The following TRPM7 variants were observed in gnomAD, a reference collection of about 807,000 sequenced individuals.
TRPM7 encodes the protein LTRPC ion channel family member 7.
TRPM7 carries 134 observed loss-of-function variants against 229.7 expected under a neutral mutation model. The observed-to-expected ratio is 0.58, with a 90% CI of 0.51 to 0.67. The LOEUF is 0.67. TRPM7 is among the 30% of genes least tolerant of loss of function. The pLI is 0.00. For synonymous variants in TRPM7, 699 were observed against 715.2 expected (o/e 0.98, Z 0.36); for missense variants, 1,901 against 2,210.0 (o/e 0.86, Z 2.80).
At chr15:50,614,047 T>A in intron 14 of TRPM7, 76 bp downstream of exon 14, 3 of 1,421,854 alleles carry the variant, frequency 2.1e-6, no homozygotes, top group Non-Finnish European at 2.9e-6. Flanking sequence ...TCCGTTCTAA[T>A]GTTAATTCTT....
intron 3 of TRPM7, among the ~76,000 whole-genome samples, chr15:50,650,037 C>CA (rs1486597343): frequency 2.6e-5 from 4 of 151,122 alleles, no homozygotes; most frequent in Admixed American, 1.3e-4. Flanking sequence ...ACTAAAAATA[C>CA]AAAAAATTAG....
Position 50,599,379 on chromosome 15 carries a change from A to G in TRPM7, c.2989-83T>C, listed in dbSNP as rs1266357823. ...TTCTAAAAGCTTCTAATGTTCTAATAGACCAAAAAAATCCATTAAACACAA... is the reference window on the plus strand; with the variant it reads ...TTCTAAAAGCTTCTAATGTTCTAATGGACCAAAAAAATCCATTAAACACAA... On this transcript the variant is annotated intron_variant, in intron 21 of 38. Transcript: ENST00000646667. The G allele has an allele frequency of 3.0e-6, 3 of 1,000,532 alleles. No homozygotes were observed. The South Asian group carries it at 7.5e-5, about 25-fold the overall frequency. 62.0% of individuals were successfully genotyped at this position (1,000,532 alleles called of 1,614,324 possible).
chr15:50,669,391 T>C (rs1028794026), intron 1 of TRPM7, among the ~76,000 whole-genome samples: 2 of 151,882 alleles, frequency 1.3e-5, no homozygotes, highest in Middle Eastern at 6.3e-3. Context: ...GCCGAGGTCA[T>C]GCCAGTGCAC....
chr15:50,669,659 C>T (rs567290055), intron 1 of TRPM7, among the ~76,000 whole-genome samples: 2 of 152,210 alleles, frequency 1.3e-5, no homozygotes, highest in South Asian at 4.1e-4. Flanking sequence ...AATTGTGTTT[C>T]AAGAACTATG....
Position 50,575,807 on chromosome 15 carries a change from A to T in TRPM7, c.4670-18T>A. ...TTCCACAGCTGCATAAAAATGAGAG[A>T]GAAATAATTAAATCTGTAAAGGTCC... On this transcript the variant is annotated intron_variant, in intron 32 of 38. Transcript: ENST00000646667. The T allele has an allele frequency of 6.2e-7, 1 of 1,613,284 alleles. No homozygotes were observed. Among genetic ancestry groups the T allele is most frequent in the Non-Finnish European group, 8.5e-7 (1 of 1,179,596 alleles).
At chr15:50,599,414 G>A in intron 21 of TRPM7, 118 bp from the exon 22 acceptor site, 1 of 638,366 alleles carries the variant, frequency 1.6e-6, no homozygotes, top group Non-Finnish European at 2.5e-6. Context: ...AAAAATCTTT[G>A]AGATTCTTTT....
At chr15:50,587,381 G>A (rs2059370655) in intron 27 of TRPM7, among the ~76,000 whole-genome samples, 1 of 143,372 alleles carries the variant, frequency 7.0e-6, no homozygotes, top group Admixed American at 7.0e-5. Context: ...AGCCCTGAAG[G>A]CTTTACTGGC....
intron 27 of TRPM7, among the ~76,000 whole-genome samples, chr15:50,587,987 T>G (rs974335293): frequency 6.6e-6 from 1 of 152,206 alleles, no homozygotes; most frequent in Non-Finnish European, 1.5e-5. Flanking sequence ...TTTTATCGTG[T>G]GTCAGCTAAG....
chr15:50,572,019 C>CA (rs2053915123), intron 36 of TRPM7, among the ~76,000 whole-genome samples: 1 of 152,176 alleles, frequency 6.6e-6, no homozygotes, highest in Non-Finnish European at 1.5e-5. Context: ...TCACTGTGGC[C>CA]AGAGAGTGGC....
At position 50,686,570 on chromosome 15, in the gene TRPM7, C is replaced by G. The variant is rs764180922; in HGVS notation, c.-37G>C. ...GGCGGACTCCGGAAGGGCAGCAACT[C>G]CACCTCCTCCTCCTCCGCGGCCTGT... On this transcript the variant is annotated 5_prime_UTR_variant, in exon 1 of 39. Transcript: ENST00000646667. The G allele has an allele frequency of 3.2e-5, 52 of 1,608,632 alleles. No individual in the cohort carries two copies. Among genetic ancestry groups the G allele is most frequent in the Admixed American group, 5.0e-5 (3 of 59,608 alleles).
At chr15:50,682,106 A>C (rs1459157998) in intron 1 of TRPM7, among the ~76,000 whole-genome samples, 1 of 141,576 alleles carries the variant, frequency 7.1e-6, no homozygotes, top group Non-Finnish European at 1.5e-5. Flanking sequence ...TTAAACTGGA[A>C]GGCACAGTTT....
intron 38 of TRPM7, 105 bp from the exon 39 acceptor site, chr15:50,561,913 A>G: frequency 8.2e-7 from 1 of 1,220,158 alleles, no homozygotes; most frequent in East Asian, 2.8e-5. Context: ...TTTCTTTTCA[A>G]GACGGAGTTT....
rs1319162624 is a variant in TRPM7 at position 50,557,657 on chromosome 15, T to C, written c.*4021A>G. The stretch of plus-strand genomic sequence containing the variant: ...TTTGCAGAAAAGAATTCCACATCTT[T>C]TTTTTGAGACAGAGTTCTGCTGTCA... On this transcript the variant is annotated 3_prime_UTR_variant, in exon 39 of 39. Coordinates refer to ENST00000646667, the MANE Select transcript of TRPM7 (RefSeq NM_017672.6). 1 of 152,214 alleles carries C rather than the reference T, an allele frequency of 6.6e-6. No homozygotes were observed. The highest frequency in any genetic ancestry group is 1.5e-5 in the Non-Finnish European group (1 of 68,038). The allele number at this position is 152,214 out of a possible 1,614,324, so 9.4% of individuals were successfully genotyped here. A position where few individuals can be genotyped will look rare whatever the true frequency, so the allele number is the denominator to read the frequency against.
At chr15:50,668,744 G>A (rs2061933616) in intron 1 of TRPM7, among the ~76,000 whole-genome samples, 1 of 152,176 alleles carries the variant, frequency 6.6e-6, no homozygotes, top group African/African-American at 2.4e-5. Context: ...CTGACATCAA[G>A]TGATTCACCT....
At chr15:50,682,173 CAAAAAA>C (rs34590459) in intron 1 of TRPM7, among the ~76,000 whole-genome samples, 16 of 63,682 alleles carry the variant, frequency 2.5e-4, no homozygotes, top group Admixed American at 6.9e-4. Flanking sequence ...AACTCAGTCT[CAAAAAA>C]AAAAAAAAAA....
chr15:50,643,427 G>C lies in TRPM7; in HGVS notation c.448C>G (p.Pro150Ala). Residue 150 changes from proline (P) to alanine (A), a missense_variant, in exon 5 of 39, where the codon CCA (proline) becomes GCA (alanine). This residue lies in a region of TRPM7 where 794 missense variants were observed against 881.9 expected (regional missense o/e 0.90). Coordinates refer to ENST00000646667, the MANE Select transcript of TRPM7 (RefSeq NM_017672.6). ...HGGMQKFELH[P>A]RIKQLLGKGL... ...TTTCCAAGCAACTGCTTGATTCGTG[G>C]GTGAAGCTCAAATTTCTGCATGCCC... 1 of 1,614,112 alleles carries C rather than the reference G, an allele frequency of 6.2e-7. No individual in the cohort carries two copies. Among genetic ancestry groups the C allele is most frequent in the Non-Finnish European group, 8.5e-7 (1 of 1,180,022 alleles).
intron 38 of TRPM7, 59 bp downstream of exon 38, chr15:50,569,828 A>AT: frequency 1.8e-6 from 2 of 1,108,656 alleles, no homozygotes; most frequent in South Asian, 3.1e-5. Flanking sequence ...CTTATGAGGT[A>AT]TTGTAGTAAC....
intron 31 of TRPM7, among the ~76,000 whole-genome samples, chr15:50,576,344 G>A (rs62017165): frequency 6.6e-6 from 1 of 151,826 alleles, no homozygotes; most frequent in East Asian, 1.9e-4. Context: ...CCATCTTTTT[G>A]TGTGTGTGTG....
chr15:50,654,104 A>C (rs1316053793), intron 3 of TRPM7, among the ~76,000 whole-genome samples: 5 of 152,190 alleles, frequency 3.3e-5, no homozygotes, highest in African/African-American at 7.2e-5. Context: ...GTCAGAAAGA[A>C]ACTGAACACT....
Sources: allele counts gnomAD v4.1 joint callset (sites outside exome capture counted in the v4.1 genomes callset), GRCh38; gene constraint gnomAD v4.1.1; regional missense constraint gnomAD v4.1.1; transcripts MANE v1.5; gene names NCBI Gene and HGNC (gene_info 2026-07-23, HGNC 2026-07-21).